Variants in DOK6 observed in about 807,000 individuals in gnomAD.
DOK6 encodes downstream of tyrosine kinase 6.
In DOK6, 22 loss-of-function variants were observed where a neutral mutation model predicts 44.0. The ratio of observed to expected loss-of-function variants is 0.50; its 90% confidence interval spans 0.36 to 0.71. DOK6 has a LOEUF of 0.71. Among genes scored for constraint, DOK6 ranks in the 30% least tolerant of loss-of-function variants. The pLI is 0.00. For synonymous variants in DOK6, 166 were observed against 145.5 expected, an observed-to-expected ratio of 1.14 and a Z score of -1.01; for missense variants, 340 against 416.4, an observed-to-expected ratio of 0.82 and a Z score of 1.60.
chr18:69,592,615 TG>T (rs1201299923), intron 2 of DOK6, among the ~76,000 whole-genome samples: 1 of 152,178 alleles, frequency 6.6e-6, no homozygotes, highest in Non-Finnish European at 1.5e-5. Flanking sequence ...CGTATTGATT[TG>T]GATGTGAACA....
chr18:69,446,306 G>A (rs1599134843), intron 1 of DOK6, among the ~76,000 whole-genome samples: 1 of 150,228 alleles, frequency 6.7e-6, no homozygotes, highest in East Asian at 2.0e-4. Flanking sequence ...AACACGCGGT[G>A]TTTGGTTTTT....
chr18:69,672,059 G>A (rs970019863), intron 3 of DOK6, among the ~76,000 whole-genome samples: 7 of 152,310 alleles, frequency 4.6e-5, no homozygotes, highest in African/African-American at 1.2e-4. Context: ...TAGAGGAAAG[G>A]TGTCACATCT....
intron 1 of DOK6, among the ~76,000 whole-genome samples, chr18:69,499,710 T>C (rs1980995885): frequency 6.6e-6 from 1 of 152,188 alleles, no homozygotes. Flanking sequence ...TGCATCTCCA[T>C]TTGGAAGCCT....
chr18:69,434,957 A>AGGG (rs1445288410), intron 1 of DOK6, among the ~76,000 whole-genome samples: 1 of 137,942 alleles, frequency 7.2e-6, no homozygotes, highest in Non-Finnish European at 1.6e-5. Context: ...GGAGGGAGGG[A>AGGG]AGGAAGGAAG....
chr18:69,561,142 A>G (rs1011066453), intron 1 of DOK6, among the ~76,000 whole-genome samples: 5 of 152,148 alleles, frequency 3.3e-5, no homozygotes, highest in African/African-American at 9.7e-5. Context: ...GTGTACTAGA[A>G]CATAAGCCCA....
In DOK6 at chr18:69,445,998, GGTCA is replaced by G. The variant is rs200994268; in HGVS notation, c.66+44692_66+44695del. Among the ~76,000 whole-genome samples the G allele has an allele frequency of 1.8e-3, 279 of 151,164 alleles. 2 individuals carry two copies. The East Asian group carries it at 0.035, about 19-fold the overall frequency. On this transcript the variant is annotated intron_variant, in intron 1 of 7. Coordinates refer to ENST00000382713, the MANE Select transcript of DOK6 (RefSeq NM_152721.6). The stretch of plus-strand genomic sequence containing the variant: ...AATTTGAGTCCTCTCTTTTTTTCGT[GGTCA>G]GTCTATCAGAAAGTTTGTTGATAGT...
At chr18:69,465,779 G>A (rs1411130127) in intron 1 of DOK6, among the ~76,000 whole-genome samples, 2 of 152,020 alleles carry the variant, frequency 1.3e-5, no homozygotes, top group African/African-American at 4.8e-5. Context: ...GTGTGCATGT[G>A]TCTTTATAGC....
chr18:69,746,868 C>T (rs1789198527), intron 6 of DOK6, among the ~76,000 whole-genome samples: 1 of 152,136 alleles, frequency 6.6e-6, no homozygotes, highest in Non-Finnish European at 1.5e-5. Context: ...CACTCGCATT[C>T]CTGCTCTGGT....
At chr18:69,431,404 A>C (rs1377005582) in intron 1 of DOK6, among the ~76,000 whole-genome samples, 1 of 152,168 alleles carries the variant, frequency 6.6e-6, no homozygotes, top group African/African-American at 2.4e-5. Context: ...AACTCTAGGC[A>C]AGAGTGGGAG....
intron 5 of DOK6, among the ~76,000 whole-genome samples, chr18:69,709,552 T>TC (rs1568340385): frequency 6.6e-6 from 1 of 152,108 alleles, no homozygotes; most frequent in African/African-American, 2.4e-5. Flanking sequence ...TTTCTTGGTG[T>TC]TAAATAAATT....
intron 5 of DOK6, among the ~76,000 whole-genome samples, chr18:69,706,390 TACAACCGA>T (rs1387467839): frequency 6.6e-6 from 1 of 152,152 alleles, no homozygotes; most frequent in African/African-American, 2.4e-5. Flanking sequence ...AGGAAGTGCT[TACAACCGA>T]AAGTTTTCTA....
chr18:69,441,485 A>C (rs1979135808), intron 1 of DOK6, among the ~76,000 whole-genome samples: 1 of 152,188 alleles, frequency 6.6e-6, no homozygotes, highest in African/African-American at 2.4e-5. Context: ...ACTCAACTTA[A>C]TATGAATTAC....
intron 1 of DOK6, among the ~76,000 whole-genome samples, chr18:69,518,022 C>G (rs1981580770): frequency 6.6e-6 from 1 of 152,168 alleles, no homozygotes; most frequent in East Asian, 1.9e-4. Flanking sequence ...GGTGGCTTGC[C>G]TGCTGGCCGC....
At chr18:69,496,312 G>GGCAGCT (rs962927338) in intron 1 of DOK6, among the ~76,000 whole-genome samples, 53 of 152,354 alleles carry the variant, frequency 3.5e-4, no homozygotes, top group African/African-American at 1.3e-3. Context: ...CCATGACGTG[G>GGCAGCT]GCAGCTGCAG....
intron 4 of DOK6, among the ~76,000 whole-genome samples, chr18:69,689,948 G>A (rs1986228785): frequency 6.6e-6 from 1 of 151,972 alleles, no homozygotes; most frequent in Non-Finnish European, 1.5e-5. Context: ...GCTTGTAAGT[G>A]GAATATATAG....
intron 4 of DOK6, among the ~76,000 whole-genome samples, chr18:69,694,741 A>C (rs1167652830): frequency 6.6e-6 from 1 of 151,652 alleles, no homozygotes; most frequent in Non-Finnish European, 1.5e-5. Flanking sequence ...CAGAATATTT[A>C]TGTTTTAGGA....
intron 3 of DOK6, among the ~76,000 whole-genome samples, chr18:69,614,633 G>T (rs1326150740): frequency 6.7e-6 from 1 of 150,206 alleles, no homozygotes; most frequent in Non-Finnish European, 1.5e-5. Flanking sequence ...AACCTGTATT[G>T]GTTTCAATAT....
chr18:69,517,850 C>T (rs1040775376), intron 1 of DOK6, among the ~76,000 whole-genome samples: 2 of 151,974 alleles, frequency 1.3e-5, no homozygotes, highest in African/African-American at 2.4e-5. Flanking sequence ...CTGGACTGTC[C>T]TCTGTCCCAA....
chr18:69,548,507 A>AT (rs1364837755), intron 1 of DOK6, among the ~76,000 whole-genome samples: 1 of 151,568 alleles, frequency 6.6e-6, no homozygotes, highest in African/African-American at 2.4e-5. Flanking sequence ...ATTTTGTACA[A>AT]AGGACGGCCC....
Sources: gnomAD v4.1 joint callset for allele counts (sites outside exome capture counted in the v4.1 genomes callset) on GRCh38, gnomAD v4.1.1 for gene constraint, MANE v1.5 for transcripts, NCBI Gene and HGNC (gene_info 2026-07-23, HGNC 2026-07-21) for gene names.